Variants in USP8 observed in about 807,000 individuals in gnomAD.
USP8 encodes ubiquitin specific peptidase 8.
A neutral mutation model predicts 130.0 loss-of-function variants in USP8; 27 were observed. The observed-to-expected ratio is 0.21, with a 90% confidence interval of 0.15 to 0.29. USP8 has a LOEUF of 0.29. Among genes scored for constraint, USP8 ranks in the 10% least tolerant of loss-of-function variants. The pLI, the probability that USP8 is intolerant of heterozygous loss-of-function variation, is 1.00. For missense variants in USP8, 1,029 were observed against 1,312.2 expected (o/e 0.78, Z 3.33); for synonymous variants, 392 against 444.1 (o/e 0.88, Z 1.48).
intron 6 of USP8, among the ~76,000 whole-genome samples, 182 bp from the exon 7 acceptor site, chr15:50,464,865 C>A (rs2051131635): frequency 6.6e-6 from 1 of 152,044 alleles, no homozygotes; most frequent in South Asian, 2.1e-4. Context: ...AGAAAAAAAA[C>A]AAGTTGTATT....
chr15:50,462,340 GA>G lies in USP8; in HGVS notation c.541+19del, dbSNP rs1438558485. ...AGAGAAAGGTAAGTGTGTACAGAAG[GA>G]GGAAGTTGTTTTAGGTTCTGACTGA... On this transcript the variant is annotated intron_variant, in intron 6 of 19. Coordinates refer to ENST00000307179, the MANE Select transcript of USP8 (RefSeq NM_005154.5). The G allele has an allele frequency of 5.0e-6, 8 of 1,587,794 alleles. No homozygotes were observed. Among genetic ancestry groups the G allele is most frequent in the Non-Finnish European group, 6.8e-6 (8 of 1,172,320 alleles).
chr15:50,454,773 T>C (rs1227042896), intron 4 of USP8, among the ~76,000 whole-genome samples: 1 of 152,086 alleles, frequency 6.6e-6, no homozygotes, highest in East Asian at 1.9e-4. Context: ...ATAATATTTA[T>C]CACTCTTTCA....
Position 50,508,895 on chromosome 15 carries a change from G to T in USP8, c.*9807G>T, listed in dbSNP as rs2052699020. 6.6e-6 allele frequency: 1 copy of T among 151,378 alleles called. No individual in the cohort carries two copies. Among genetic ancestry groups the T allele is most frequent in the African/African-American group, 2.4e-5 (1 of 41,238 alleles). The allele number at this position is 151,378 out of a possible 1,614,324, so 9.4% of individuals were successfully genotyped here. On this transcript the variant is annotated 3_prime_UTR_variant, in exon 20 of 20. Transcript: ENST00000307179. ...CACGCCTGTAATCCCAGCACTTTGG[G>T]AGGCCGAGGCGGGCGGATCACGAGG...
At chr15:50,435,308 C>G (rs555468903) in intron 1 of USP8, among the ~76,000 whole-genome samples, 8 of 152,256 alleles carry the variant, frequency 5.3e-5, no homozygotes, top group Admixed American at 4.6e-4. Context: ...CTGTACTGAA[C>G]CATGTACAGA....
chr15:50,440,274 C>G (rs2050213178), intron 2 of USP8, among the ~76,000 whole-genome samples: 1 of 152,212 alleles, frequency 6.6e-6, no homozygotes, highest in South Asian at 2.1e-4. Flanking sequence ...ACCGTTTATT[C>G]CTTTCTAGTA....
intron 1 of USP8, chr15:50,432,235 A>G (rs1342445260): frequency 2.6e-5 from 4 of 152,336 alleles, no homozygotes; most frequent in South Asian, 4.1e-4. Context: ...GATGTGCACC[A>G]CTACGCCCAG....
chr15:50,460,067 G>A (rs866725816), intron 5 of USP8, among the ~76,000 whole-genome samples: 1 of 131,944 alleles, frequency 7.6e-6, no homozygotes, highest in Non-Finnish European at 1.5e-5. Context: ...GCGTGATCTC[G>A]GCTCACTGCA....
chr15:50,500,905 A>G lies in USP8; in HGVS notation c.*1817A>G. 2 of 1,253,418 alleles carry G rather than the reference A, an allele frequency of 1.6e-6. No homozygotes were observed. Among genetic ancestry groups the G allele is most frequent in the East Asian group, 2.5e-5 (1 of 39,304 alleles). The allele number at this position is 1,253,418 out of a possible 1,614,324, so 77.6% of individuals were successfully genotyped here. A position where few individuals can be genotyped will look rare whatever the true frequency, so the allele number is the denominator to read the frequency against. ...CACTAACTACTGGAACAGAAATGAT[A>G]GGGCCAAGAGATGCTTTTTAAATTG... is the stretch of plus-strand genomic sequence containing the variant. On this transcript the variant is annotated 3_prime_UTR_variant, in exon 20 of 20. Transcript: ENST00000307179.
chr15:50,439,102 A>G lies in USP8; in HGVS notation c.29A>G (p.Glu10Gly), dbSNP rs1275424636. Residue 10 changes from glutamate (E) to glycine (G), a missense_variant, in exon 2 of 20, where the codon GAA becomes GGA. Physicochemically the swap from Glu to Gly is moderately conservative, Grantham distance 98 (BLOSUM62 -2). Coordinates refer to ENST00000307179, the MANE Select transcript of USP8 (RefSeq NM_005154.5). MPAVASVPK[E>G]LYLSSSLKDL... ...CCTGCTGTGGCTTCAGTTCCTAAAG[A>G]ACTCTACCTCAGTTCTTCACTAAAA... The G allele has an allele frequency of 6.2e-7, 1 of 1,605,420 alleles. No homozygotes were observed. Among genetic ancestry groups the G allele is most frequent in the Admixed American group, 1.7e-5 (1 of 57,754 alleles).
At chr15:50,488,882 T>C (rs901433512) in intron 12 of USP8, among the ~76,000 whole-genome samples, 11 of 151,916 alleles carry the variant, frequency 7.2e-5, no homozygotes, top group Non-Finnish European at 1.0e-4. Context: ...CAAACCTGGC[T>C]AATTTTAAAA....
rs1200494483 is a variant in USP8, at chr15:50,509,387, C to T, written c.*10299C>T. ...GACAAGGCGGCCGGGCGCGGTGGCT[C>T]ATGTAATCCCAGCACTTTGGAAGGC... is the stretch of plus-strand genomic sequence containing the variant. On this transcript the variant is annotated 3_prime_UTR_variant, in exon 20 of 20. Transcript: ENST00000307179. The T allele has an allele frequency of 6.6e-6, 1 of 151,930 alleles. No individual in the cohort carries two copies. Among genetic ancestry groups the T allele is most frequent in the Non-Finnish European group, 1.5e-5 (1 of 68,090 alleles). 9.4% of individuals were successfully genotyped at this position (151,930 alleles called of 1,614,324 possible).
At chr15:50,492,460 GA>G (rs1434533733) in intron 14 of USP8, among the ~76,000 whole-genome samples, 1 of 152,082 alleles carries the variant, frequency 6.6e-6, no homozygotes, top group African/African-American at 2.4e-5. Flanking sequence ...TAAGAACCAT[GA>G]CCCACATTAA....
chr15:50,472,405 C>G (rs1329280953), intron 8 of USP8, among the ~76,000 whole-genome samples: 1 of 149,214 alleles, frequency 6.7e-6, no homozygotes, highest in East Asian at 2.1e-4. Flanking sequence ...ACCATCCTGG[C>G]TAACACAGTG....
At chr15:50,437,420 A>G (rs1442863013) in intron 1 of USP8, among the ~76,000 whole-genome samples, 1 of 152,234 alleles carries the variant, frequency 6.6e-6, no homozygotes, top group Admixed American at 6.5e-5. Context: ...TTTAAACTTT[A>G]TATAGAGTAT....
intron 3 of USP8, among the ~76,000 whole-genome samples, chr15:50,448,790 G>A (rs141241142): frequency 0.026 from 3,949 of 152,176 alleles, 87 homozygotes; most frequent in Non-Finnish European, 0.037. Flanking sequence ...AAAGTTCTGG[G>A]ATTACAGGTT....
intron 10 of USP8, among the ~76,000 whole-genome samples, chr15:50,478,345 A>G (rs552438018): frequency 1.3e-5 from 2 of 152,350 alleles, no homozygotes; most frequent in East Asian, 3.8e-4. Flanking sequence ...TTATTTAAAG[A>G]AAGGTTAACT....
chr15:50,482,842 C>T (rs1322371598), intron 11 of USP8, among the ~76,000 whole-genome samples: 1 of 152,166 alleles, frequency 6.6e-6, no homozygotes, highest in Non-Finnish European at 1.5e-5. Flanking sequence ...GGGATACCAT[C>T]TTTACAGAAT....
At chr15:50,493,974 T>G (rs994010060) in intron 15 of USP8, 96 bp from the exon 16 acceptor site, 8 of 1,317,034 alleles carry the variant, frequency 6.1e-6, no homozygotes, top group Non-Finnish European at 7.6e-6. Context: ...TGCTACAGTA[T>G]GTGAATAATT....
At chr15:50,485,440 A>T in intron 12 of USP8, among the ~76,000 whole-genome samples, 1 of 133,446 alleles carries the variant, frequency 7.5e-6, no homozygotes, top group African/African-American at 2.9e-5. Context: ...ACAGAGTGAG[A>T]CTCCATTTCA....
Sources: gnomAD v4.1 joint callset for allele counts (sites outside exome capture counted in the v4.1 genomes callset) on GRCh38, gnomAD v4.1.1 for gene constraint, MANE v1.5 for transcripts, NCBI Gene and HGNC (gene_info 2026-07-23, HGNC 2026-07-21) for gene names.